Variants in FLT1 observed in about 807,000 individuals in gnomAD.
FLT1 encodes the protein fms related receptor tyrosine kinase 1.
Under a neutral mutation model 156.3 loss-of-function variants are expected in FLT1, and 49 were observed. That is an observed-to-expected ratio of 0.31 (90% CI 0.25 to 0.40). The LOEUF (loss-of-function observed/expected upper bound fraction) is 0.40, where lower values mean the gene tolerates loss of function less well. Among genes scored for constraint, FLT1 ranks in the 10% least tolerant of loss-of-function variants. The pLI is 1.00. For missense variants in FLT1, 1,322 were observed against 1,637.2 expected, an observed-to-expected ratio of 0.81 and a Z score of 3.32; for synonymous variants, 594 against 583.8, an observed-to-expected ratio of 1.02 and a Z score of -0.25.
intron 25 of FLT1, 38 bp downstream of exon 25, chr13:28,317,460 A>G: frequency 3.1e-6 from 4 of 1,290,348 alleles, no homozygotes; most frequent in African/African-American, 1.5e-5. Flanking sequence ...GTGAAAAGCG[A>G]GCTGTCAGAT....
At chr13:28,494,180 G>A (rs1881623446) in intron 1 of FLT1, among the ~76,000 whole-genome samples, 1 of 152,224 alleles carries the variant, frequency 6.6e-6, no homozygotes, top group South Asian at 2.1e-4. Context: ...CGGGTCATGG[G>A]ATGCCGGCGC....
intron 9 of FLT1, 83 bp from the exon 10 acceptor site, chr13:28,427,401 C>G: frequency 8.0e-7 from 1 of 1,255,146 alleles, no homozygotes; most frequent in Non-Finnish European, 1.2e-6. Flanking sequence ...GGACCACATT[C>G]TCACTGGCTT....
intron 3 of FLT1, among the ~76,000 whole-genome samples, chr13:28,460,484 T>A (rs1879504920): frequency 6.6e-6 from 1 of 152,060 alleles, no homozygotes; most frequent in South Asian, 2.1e-4. Context: ...CAGATTCCTG[T>A]TGGTGGAAAC....
At chr13:28,314,715 G>A (rs1294487385) in intron 25 of FLT1, among the ~76,000 whole-genome samples, 1 of 152,194 alleles carries the variant, frequency 6.6e-6, no homozygotes, top group African/African-American at 2.4e-5. Flanking sequence ...AAACAAGAAG[G>A]AAATTACTCC....
chr13:28,430,892 C>A (rs1471514522), intron 7 of FLT1, among the ~76,000 whole-genome samples: 1 of 152,028 alleles, frequency 6.6e-6, no homozygotes, highest in African/African-American at 2.4e-5. Context: ...TAGGTTCTAA[C>A]CGAATTATTA....
intron 4 of FLT1, among the ~76,000 whole-genome samples, chr13:28,434,609 G>A (rs922136802): frequency 1.2e-4 from 18 of 152,192 alleles, no homozygotes; most frequent in East Asian, 3.9e-4. Flanking sequence ...GAGGCCGGGC[G>A]TGGTGGCTCA....
intron 4 of FLT1, 129 bp from the exon 5 acceptor site, chr13:28,434,349 TAACA>T: frequency 1.1e-6 from 1 of 875,080 alleles, no homozygotes; most frequent in Non-Finnish European, 1.8e-6. Flanking sequence ...AGTTTGCTTA[TAACA>T]AACTAGGTTA....
chr13:28,307,762 C>A (rs1870811705), intron 28 of FLT1, among the ~76,000 whole-genome samples: 1 of 151,270 alleles, frequency 6.6e-6, no homozygotes, highest in Non-Finnish European at 1.5e-5. Flanking sequence ...GGGACAAGGT[C>A]ATTGCCAGCA....
chr13:28,397,150 A>G, intron 11 of FLT1, 82 bp from the exon 12 acceptor site: 1 of 799,950 alleles, frequency 1.3e-6, no homozygotes, highest in Non-Finnish European at 2.2e-6. Flanking sequence ...GGTTGAAATG[A>G]TTCAGCTACT....
At position 28,413,251 on chromosome 13, in the gene FLT1, C is replaced by T. The variant is rs981279826; in HGVS notation, c.1437-7357G>A. On this transcript the variant is annotated intron_variant, in intron 10 of 29. Coordinates refer to ENST00000282397, the MANE Select transcript of FLT1 (RefSeq NM_002019.4). ...CTTGGCTCATGCTGCTTCCTGCTCT[C>T]GAGGGCCCTGTGGTCCATTCACACT... Among the ~76,000 whole-genome samples, 5 of 152,066 alleles carry T rather than the reference C, an allele frequency of 3.3e-5. No individual in the cohort carries two copies. In the South Asian group the frequency reaches 8.3e-4, roughly 25 times the overall value.
At chr13:28,319,747 A>G (rs1021944427) in intron 23 of FLT1, among the ~76,000 whole-genome samples, 28 of 152,182 alleles carry the variant, frequency 1.8e-4, no homozygotes, top group African/African-American at 5.1e-4. Flanking sequence ...AAGGCAGTAT[A>G]TGTTCAGTAA....
chr13:28,468,691 C>T (rs1344532422), intron 1 of FLT1, among the ~76,000 whole-genome samples: 1 of 152,048 alleles, frequency 6.6e-6, no homozygotes, highest in Non-Finnish European at 1.5e-5. Context: ...GTGTGTGGCA[C>T]CTCCCCCCTT....
chr13:28,324,260 G>A (rs968189299), intron 20 of FLT1, among the ~76,000 whole-genome samples: 1 of 152,222 alleles, frequency 6.6e-6, no homozygotes, highest in Non-Finnish European at 1.5e-5. Flanking sequence ...GGCAGAAGCA[G>A]AGAGGGACTG....
At chr13:28,388,685 A>G in intron 13 of FLT1, 1 of 1,056,468 alleles carries the variant, frequency 9.5e-7, no homozygotes, top group Non-Finnish European at 1.1e-6. Context: ...TCCTATTAAC[A>G]TTTGCATATG....
At chr13:28,344,792 CTTTTTTTTTTTTTTTTT>C (rs869199622) in intron 16 of FLT1, among the ~76,000 whole-genome samples, 2 of 41,410 alleles carry the variant, frequency 4.8e-5, no homozygotes, top group East Asian at 5.8e-4. Context: ...GGGGCCTTTA[CTTTTTTTTTTTTTTTTT>C]TTTTTTTTTT....
At chr13:28,453,191 T>C (rs1204967552) in intron 3 of FLT1, among the ~76,000 whole-genome samples, 1 of 149,814 alleles carries the variant, frequency 6.7e-6, no homozygotes, top group Non-Finnish European at 1.5e-5. Flanking sequence ...TGCTGCCATC[T>C]CAGCTCACTG....
At chr13:28,311,833 G>T in intron 26 of FLT1, 101 bp from the exon 27 acceptor site, 1 of 1,375,308 alleles carries the variant, frequency 7.3e-7, no homozygotes. Context: ...CACAATCTTG[G>T]TTGTGTTTTG....
chr13:28,413,050 G>A (rs1876409846), intron 10 of FLT1, among the ~76,000 whole-genome samples: 1 of 152,078 alleles, frequency 6.6e-6, no homozygotes, highest in Admixed American at 6.6e-5. Flanking sequence ...TGTGCAGTGA[G>A]AGACCTTGTG....
intron 1 of FLT1, among the ~76,000 whole-genome samples, chr13:28,474,505 C>CACACACACACACACAGACACACAG (rs1555245750): frequency 6.5e-4 from 98 of 150,918 alleles, no homozygotes; most frequent in Admixed American, 1.9e-3. Flanking sequence ...CACACACACA[C>CACACACACACACACAGACACACAG]ACACACACAC....
Sources: allele counts gnomAD v4.1 joint callset (sites outside exome capture counted in the v4.1 genomes callset), GRCh38; gene constraint gnomAD v4.1.1; transcripts MANE v1.5; gene names NCBI Gene and HGNC (gene_info 2026-07-23, HGNC 2026-07-21).